FAM171A1: variants seen among roughly 807,000 people sequenced by gnomAD.
The protein encoded by FAM171A1 is family with sequence similarity 171 member A1, also known as protein FAM171A1.
In FAM171A1, 23 loss-of-function variants were observed where a neutral mutation model predicts 74.9. The ratio of observed to expected loss-of-function variants is 0.31; its 90% CI spans 0.22 to 0.44. The LOEUF (loss-of-function observed/expected upper bound fraction) is 0.44, where lower values mean the gene tolerates loss of function less well. FAM171A1 is among the 20% of genes least tolerant of loss of function. The pLI, the probability that FAM171A1 is intolerant of heterozygous loss-of-function variation, is 1.00. For missense variants in FAM171A1, 1,162 were observed against 1,159.2 expected (o/e 1.00, Z -0.03); for synonymous variants, 527 against 505.7 (o/e 1.04, Z -0.57).
intron 2 of FAM171A1, among the ~76,000 whole-genome samples, chr10:15,278,472 G>A (rs535447239): frequency 4.6e-5 from 7 of 152,256 alleles, no homozygotes; most frequent in South Asian, 2.1e-4. Context: ...AGCATTATCC[G>A]TAACAGCCGA....
At position 15,213,183 on chromosome 10, in the gene FAM171A1, C is replaced by T. The variant is rs755874275; in HGVS notation, c.2405G>A (p.Gly802Glu). The T allele has an allele frequency of 1.3e-5, 21 of 1,614,008 alleles. 1 individual carries two copies. The South Asian group carries it at 1.5e-4, about 12-fold the overall frequency. Residue 802 changes from glycine (G) to glutamate (E), a missense_variant, in exon 8 of 8, where the codon GGG becomes GAG. Gly to Glu is a moderately conservative substitution (Grantham distance 98). Coordinates refer to ENST00000378116, the MANE Select transcript of FAM171A1 (RefSeq NM_001010924.2). This position sits in a 1 kb window ranked among gnomAD's most constrained non-coding sequence, Gnocchi z 6.8. ...GTCCTCGGGGGTACAGACCGTGGTC[C>T]CACATTCGCTACCACTCTGTTCCAC... Reference protein sequence around the residue: ...DDVEQSGSECGTTVCTPEDSA... With the variant: ...DDVEQSGSECETTVCTPEDSA...
intron 1 of FAM171A1, among the ~76,000 whole-genome samples, chr10:15,347,521 C>T (rs1168834928): frequency 6.6e-6 from 1 of 152,064 alleles, no homozygotes; most frequent in East Asian, 1.9e-4. Context: ...TGAACGGAGT[C>T]ACCAAGTATT....
At chr10:15,321,601 C>T (rs1835487490) in intron 1 of FAM171A1, among the ~76,000 whole-genome samples, 1 of 152,088 alleles carries the variant, frequency 6.6e-6, no homozygotes, top group Admixed American at 6.5e-5. Context: ...CAAAGAAAAA[C>T]CAAAAGACAA....
At chr10:15,240,243 C>G (rs940201737) in intron 5 of FAM171A1, among the ~76,000 whole-genome samples, 1 of 152,098 alleles carries the variant, frequency 6.6e-6, no homozygotes. Context: ...CACCTGTAGT[C>G]CCAGCTAGCT....
At chr10:15,259,435 A>T (rs1024136973) in intron 3 of FAM171A1, among the ~76,000 whole-genome samples, 1 of 152,112 alleles carries the variant, frequency 6.6e-6, no homozygotes, top group Non-Finnish European at 1.5e-5. Flanking sequence ...CCACTTACCA[A>T]ATTAACAATG....
intron 1 of FAM171A1, among the ~76,000 whole-genome samples, chr10:15,358,487 C>G (rs1049630610): frequency 6.6e-6 from 1 of 152,184 alleles, no homozygotes; most frequent in African/African-American, 2.4e-5. Flanking sequence ...TCACCAGTCG[C>G]TGGGTTCAAA....
Position 15,371,001 on chromosome 10 carries a change from T to C in FAM171A1, c.52A>G (p.Lys18Glu). 1 of 1,191,488 alleles carries C rather than the reference T, an allele frequency of 8.4e-7. No individual in the cohort carries two copies. Among genetic ancestry groups the C allele is most frequent in the South Asian group, 1.5e-5 (1 of 67,594 alleles). 73.8% of individuals were successfully genotyped at this position (1,191,488 alleles called of 1,614,324 possible). A position where few individuals can be genotyped will look rare whatever the true frequency, so the allele number is the denominator to read the frequency against. The change falls in exon 1 of 8, where the codon AAG becomes GAG. Residue 18 changes from lysine (K) to glutamate (E), a missense_variant. Physicochemically the swap from Lys to Glu is moderately conservative, Grantham distance 56. Transcript: ENST00000378116. Reference protein sequence around the residue: ...LLCLLGCHVWKAVTKTLREPG... With the variant: ...LLCLLGCHVWEAVTKTLREPG... ...TCCCGCAGCGTCTTGGTCACCGCCTTCCAGACGTGGCAGCCCAGCAGGCAC... is the reference window on the plus strand; with the variant it reads ...TCCCGCAGCGTCTTGGTCACCGCCTCCCAGACGTGGCAGCCCAGCAGGCAC...
chr10:15,359,188 A>G (rs913075671), intron 1 of FAM171A1, among the ~76,000 whole-genome samples: 16 of 152,198 alleles, frequency 1.1e-4, no homozygotes, highest in African/African-American at 3.6e-4. Flanking sequence ...TATTACATCA[A>G]TTTAACATTA....
chr10:15,225,681 A>C (rs1208365603), intron 5 of FAM171A1, among the ~76,000 whole-genome samples: 1 of 152,174 alleles, frequency 6.6e-6, no homozygotes, highest in Non-Finnish European at 1.5e-5. Context: ...CTTCTGCTGA[A>C]TATGGGACCG....
intron 1 of FAM171A1, among the ~76,000 whole-genome samples, chr10:15,292,874 C>G (rs1056048411): frequency 2.0e-5 from 3 of 150,750 alleles, no homozygotes; most frequent in Non-Finnish European, 2.9e-5. Context: ...GTAATAATCT[C>G]CTTATATCAT....
intron 1 of FAM171A1, among the ~76,000 whole-genome samples, chr10:15,369,627 T>C (rs761800019): frequency 2.0e-5 from 3 of 152,214 alleles, no homozygotes; most frequent in Non-Finnish European, 4.4e-5. Flanking sequence ...AGTGCCAGAA[T>C]ATGAAAACCT....
At chr10:15,315,849 CCTGA>C (rs368931069) in intron 1 of FAM171A1, among the ~76,000 whole-genome samples, 16 of 152,144 alleles carry the variant, frequency 1.1e-4, no homozygotes, top group African/African-American at 3.1e-4. Context: ...GCCCTCGCCC[CCTGA>C]CTATCAATAT....
At chr10:15,237,733 A>C (rs539089913) in intron 5 of FAM171A1, 2 of 151,244 alleles carry the variant, frequency 1.3e-5, no homozygotes, top group South Asian at 4.2e-4. Flanking sequence ...GTTCTTTGCT[A>C]TCTGTGATCA....
chr10:15,222,270 ATT>A (rs1161249577), intron 5 of FAM171A1, among the ~76,000 whole-genome samples: 1 of 152,192 alleles, frequency 6.6e-6, no homozygotes, highest in East Asian at 1.9e-4. Context: ...GGCATGCATC[ATT>A]TAACAGGGAT....
At chr10:15,257,132 G>A (rs1333524451) in intron 3 of FAM171A1, among the ~76,000 whole-genome samples, 1 of 152,176 alleles carries the variant, frequency 6.6e-6, no homozygotes, top group African/African-American at 2.4e-5. Context: ...GTCTACATGT[G>A]ATGGAGCAAA....
intron 3 of FAM171A1, among the ~76,000 whole-genome samples, chr10:15,260,775 G>C (rs1344520316): frequency 6.6e-6 from 1 of 152,030 alleles, no homozygotes; most frequent in Non-Finnish European, 1.5e-5. Context: ...GTTTGGGGGT[G>C]TCCCATGCAT....
intron 5 of FAM171A1, among the ~76,000 whole-genome samples, chr10:15,231,682 G>A (rs903172228): frequency 2.0e-5 from 3 of 152,032 alleles, no homozygotes; most frequent in Non-Finnish European, 2.9e-5. Context: ...TGGCTGTAGC[G>A]GGTTCACTAG....
chr10:15,212,803 T>C lies in FAM171A1; in HGVS notation c.*112A>G. ...AACAGGAATGCAGTAAACGTCCACG[T>C]CCGTCCCACGGCTGGGCTGCCGTTC... On this transcript the variant is annotated 3_prime_UTR_variant, in exon 8 of 8. Coordinates refer to ENST00000378116, the MANE Select transcript of FAM171A1 (RefSeq NM_001010924.2). The C allele has an allele frequency of 1.5e-6, 2 of 1,366,668 alleles. No homozygotes were observed. The highest frequency in any genetic ancestry group is 2.0e-6 in the Non-Finnish European group (2 of 999,442). 84.7% of individuals were successfully genotyped at this position (1,366,668 alleles called of 1,614,324 possible).
chr10:15,324,536 AG>A (rs1296253046), intron 1 of FAM171A1, among the ~76,000 whole-genome samples: 1 of 152,194 alleles, frequency 6.6e-6, no homozygotes, highest in Non-Finnish European at 1.5e-5. Context: ...TTGTGGCATC[AG>A]CTCCAGCCAA....
Sources: allele counts gnomAD v4.1 joint callset (sites outside exome capture counted in the v4.1 genomes callset), GRCh38; gene constraint gnomAD v4.1.1; non-coding constraint Gnocchi (gnomAD v3.1); transcripts MANE v1.5; gene names NCBI Gene and HGNC (gene_info 2026-07-23, HGNC 2026-07-21).